CRNKL1: variants seen among roughly 807,000 people sequenced by gnomAD.
CRNKL1 encodes crooked neck pre-mRNA splicing factor 1.
In CRNKL1, 35 loss-of-function variants were observed where a neutral mutation model predicts 103.7. The ratio of observed to expected loss-of-function variants is 0.34; its 90% CI spans 0.26 to 0.45. CRNKL1 has a LOEUF of 0.45. Among genes scored for constraint, CRNKL1 ranks in the 20% least tolerant of loss-of-function variants. The probability of loss-of-function intolerance (pLI) is 1.00; values close to 1 mark genes in which losing one functional copy is unlikely to be tolerated. For missense variants in CRNKL1, 645 were observed against 836.0 expected (o/e 0.77, Z 2.82); for synonymous variants, 267 against 282.6 (o/e 0.94, Z 0.55).
rs773018605 is a variant in CRNKL1 at position 20,047,888 on chromosome 20, C to T, written c.499G>A (p.Gly167Ser). The T allele has an allele frequency of 2.0e-5, 33 of 1,614,126 alleles. No individual in the cohort carries two copies. The highest frequency in any genetic ancestry group is 1.6e-4 in the Middle Eastern group (1 of 6,084). ...CAGCGCTCAAACACCTGCCGGGCAC[C>T]GGCAACGTTTCCCAACATTTCCTCC... is the stretch of plus-strand genomic sequence containing the variant. The part of the protein sequence containing the change: ...YMEEMLGNVA[G>S]ARQVFERWME... Residue 167 changes from glycine to serine, a missense_variant, in exon 5 of 14, where the codon GGT becomes AGT. Transcript: ENST00000536226.
intron 11 of CRNKL1, 30 bp downstream of exon 11, chr20:20,039,579 A>G: frequency 6.2e-7 from 1 of 1,611,304 alleles, no homozygotes; most frequent in Non-Finnish European, 8.5e-7. Flanking sequence ...CGTATCTCAA[A>G]CAAAATTATA....
Position 20,042,385 on chromosome 20 carries a change from GT to G in CRNKL1, c.1103del (p.His368ProfsTer36). The G allele has an allele frequency of 6.2e-7, 1 of 1,614,050 alleles. No homozygotes were observed. The highest frequency in any genetic ancestry group is 8.5e-7 in the Non-Finnish European group (1 of 1,179,988). On this transcript the variant is annotated frameshift_variant, in exon 8 of 14. Coordinates refer to ENST00000536226, the MANE Select transcript of CRNKL1 (RefSeq NM_001278628.2). LOFTEE classifies it high-confidence loss of function. ...TCCAAAGATAAATGTAGCGCTTCCAGTGCCTCTTCTCCTGAATGGGTGGGAC... is the reference window on the plus strand; with the variant it reads ...TCCAAAGATAAATGTAGCGCTTCCAGGCCTCTTCTCCTGAATGGGTGGGAC... ...ANVPPIQEKRHWKRYIYLWIN... is the reference protein window; with the variant it reads ...ANVPPIQEKRXWKRYIYLWIN...
chr20:20,052,608 T>C, upstream of CRNKL1: 1 of 1,613,772 alleles, frequency 6.2e-7, no homozygotes, highest in Non-Finnish European at 8.5e-7. Flanking sequence ...AACGCCGTGC[T>C]GACTAGCAGC....
At chr20:20,049,607 A>G (rs1020445181) in intron 2 of CRNKL1, among the ~76,000 whole-genome samples, 176 bp from the exon 3 acceptor site, 2 of 152,230 alleles carry the variant, frequency 1.3e-5, no homozygotes, top group Non-Finnish European at 2.9e-5. Context: ...ACAGTCAACT[A>G]ACTGATACTT....
intron 2 of CRNKL1, among the ~76,000 whole-genome samples, chr20:20,049,851 T>C (rs909995398): frequency 6.6e-6 from 1 of 151,804 alleles, no homozygotes; most frequent in African/African-American, 2.4e-5. Context: ...AAAGTCTTGC[T>C]CTGTCGCCCA....
Position 20,052,398 on chromosome 20 carries a change from C to A in CRNKL1, c.-56G>T. 2 of 1,614,238 alleles carry A rather than the reference C, an allele frequency of 1.2e-6. No homozygotes were observed. Among genetic ancestry groups the A allele is most frequent in the Non-Finnish European group, 1.7e-6 (2 of 1,180,052 alleles). On this transcript the variant is annotated 5_prime_UTR_variant, in exon 1 of 14. Coordinates refer to ENST00000536226, the MANE Select transcript of CRNKL1 (RefSeq NM_001278628.2). ...CCCCGGCACGGACGCTAGAAATCGG[C>A]TCTGAGAGCTCACCGAAACCACAAA...
At position 20,052,390 on chromosome 20, in the gene CRNKL1, G is replaced by A; in HGVS notation, c.-48C>T. 6.2e-7 allele frequency: 1 copy of A among 1,614,234 alleles called. No homozygotes were observed. The highest frequency in any genetic ancestry group is 2.2e-5 in the East Asian group (1 of 44,878). Reference sequence around the variant, plus strand: ...ACACCTGTCCCCGGCACGGACGCTAGAAATCGGCTCTGAGAGCTCACCGAA... The same window carrying A: ...ACACCTGTCCCCGGCACGGACGCTAAAAATCGGCTCTGAGAGCTCACCGAA... On this transcript the variant is annotated 5_prime_UTR_variant, in exon 1 of 14. Transcript: ENST00000536226.
intron 11 of CRNKL1, 99 bp downstream of exon 11, chr20:20,039,510 C>T: frequency 7.1e-7 from 1 of 1,400,372 alleles, no homozygotes; most frequent in Non-Finnish European, 9.8e-7. Flanking sequence ...TTAGTTAGAT[C>T]ATCGTTATAC....
In CRNKL1 at chr20:20,037,452, C is replaced by T; in HGVS notation, c.1767G>A (p.Glu589=). ...KTMRNCEEKE[E]RLMLLESWRS... ...GCCAAGATTCCAGCAGCATAAGTCTCTCTTCCTTTTCTTCACAGTTTCGCA... is the reference window on the plus strand; with the variant it reads ...GCCAAGATTCCAGCAGCATAAGTCTTTCTTCCTTTTCTTCACAGTTTCGCA... Residue 589 remains glutamate, a synonymous_variant, in exon 13 of 14, where the codon GAG becomes GAA. Transcript: ENST00000536226. The T allele has an allele frequency of 6.2e-7, 1 of 1,614,192 alleles. No individual in the cohort carries two copies. The highest frequency in any genetic ancestry group is 2.2e-5 in the East Asian group (1 of 44,884).
intron 6 of CRNKL1, 103 bp from the exon 7 acceptor site, chr20:20,043,765 G>A: frequency 4.6e-6 from 5 of 1,093,550 alleles, no homozygotes; most frequent in Non-Finnish European, 6.6e-6. Context: ...GTTAGATTTT[G>A]AGGCCTCATA....
At chr20:20,052,883 C>G (rs1283412322), upstream of CRNKL1, 1 of 669,900 alleles carries the variant, frequency 1.5e-6, no homozygotes, top group Non-Finnish European at 2.5e-6. Flanking sequence ...TGGGTCCACG[C>G]CCCCTCGTTT....
At chr20:20,053,490 G>T (rs934569235), upstream of CRNKL1, among the ~76,000 whole-genome samples, 3 of 152,190 alleles carry the variant, frequency 2.0e-5, no homozygotes, top group Non-Finnish European at 2.9e-5. Flanking sequence ...ATTCTATGAG[G>T]TTGGACAAAT....
Position 20,050,792 on chromosome 20 carries a change from G to A in CRNKL1, c.52-170C>T, listed in dbSNP as rs139010279. On this transcript the variant is annotated intron_variant, in intron 1 of 13. Coordinates refer to ENST00000536226, the MANE Select transcript of CRNKL1 (RefSeq NM_001278628.2). Reference sequence around the variant, plus strand: ...AGACTGAAAAGAAAAAAAAAATACCGTTTTCTCTCTTATTCATAGTATCTA... The same window carrying A: ...AGACTGAAAAGAAAAAAAAAATACCATTTTCTCTCTTATTCATAGTATCTA... Among the ~76,000 whole-genome samples, 675 of 152,074 alleles carry A rather than the reference G, an allele frequency of 4.4e-3. 1 individual carries two copies. Among genetic ancestry groups the A allele is most frequent in the Non-Finnish European group, 7.7e-3 (522 of 67,966 alleles).
At chr20:20,050,750 G>T in intron 1 of CRNKL1, 128 bp from the exon 2 acceptor site, 1 of 730,208 alleles carries the variant, frequency 1.4e-6, no homozygotes, top group African/African-American at 1.8e-5. Context: ...TGTATGACAT[G>T]TTCCCATTCC....
chr20:20,054,338 G>T (rs1467008235), upstream of CRNKL1, among the ~76,000 whole-genome samples: 1 of 151,744 alleles, frequency 6.6e-6, no homozygotes, highest in East Asian at 1.9e-4. Context: ...AGAAAACTAT[G>T]GGCCGTAGAC....
chr20:20,038,976 G>A (rs933041552), intron 11 of CRNKL1, among the ~76,000 whole-genome samples: 7 of 152,172 alleles, frequency 4.6e-5, no homozygotes, highest in African/African-American at 9.7e-5. Flanking sequence ...TGGAGGAGCC[G>A]AGGACAACTG....
chr20:20,052,645 C>G, upstream of CRNKL1: 1 of 1,613,386 alleles, frequency 6.2e-7, no homozygotes. Context: ...TGCAGGGCGT[C>G]CAGGGCGCAT....
chr20:20,043,388 T>C (rs1331116041), intron 7 of CRNKL1, 104 bp downstream of exon 7: 19 of 1,088,262 alleles, frequency 1.7e-5, no homozygotes, highest in Non-Finnish European at 2.4e-5. Context: ...ATCACGAGAG[T>C]AATCACTAGT....
rs553759321 is a variant in CRNKL1 at position 20,049,629 on chromosome 20, A to G, written c.205-198T>C. Among the ~76,000 whole-genome samples the G allele has an allele frequency of 3.3e-5, 5 of 152,322 alleles. No homozygotes were observed. In the East Asian group the frequency reaches 9.7e-4, roughly 29 times the overall value. On this transcript the variant is annotated intron_variant, in intron 2 of 13. Transcript: ENST00000536226. ...ACTAACTGATACTTTAAAATGGTCTATGCTTGTCCCTAATAAAAAATGTTT... is the reference window on the plus strand; with the variant it reads ...ACTAACTGATACTTTAAAATGGTCTGTGCTTGTCCCTAATAAAAAATGTTT...
Sources: allele counts gnomAD v4.1 joint callset (sites outside exome capture counted in the v4.1 genomes callset), GRCh38; gene constraint gnomAD v4.1.1; transcripts MANE v1.5; gene names NCBI Gene and HGNC (gene_info 2026-07-23, HGNC 2026-07-21).